Variants in CCSER1 observed in about 807,000 individuals in gnomAD.
CCSER1 encodes coiled-coil serine rich protein 1.
In CCSER1, 41 loss-of-function variants were observed where a neutral mutation model predicts 82.0. The observed-to-expected ratio is 0.50, with a 90% CI of 0.39 to 0.65. The LOEUF is 0.65. CCSER1 is among the 30% of genes least tolerant of loss of function. The probability of loss-of-function intolerance (pLI) is 0.00; values close to 1 mark genes in which losing one functional copy is unlikely to be tolerated. For missense variants in CCSER1, 1,119 were observed against 1,064.2 expected (o/e 1.05, Z -0.72); for synonymous variants, 414 against 383.9 (o/e 1.08, Z -0.92).
At chr4:91,392,527 T>C (rs1751726675) in intron 10 of CCSER1, among the ~76,000 whole-genome samples, 1 of 152,118 alleles carries the variant, frequency 6.6e-6, no homozygotes, top group Admixed American at 6.6e-5. Context: ...AGATGAAATT[T>C]CTAGGGATAA....
chr4:91,289,279 T>C (rs1482637440), intron 10 of CCSER1, among the ~76,000 whole-genome samples: 4 of 152,024 alleles, frequency 2.6e-5, no homozygotes, highest in African/African-American at 9.7e-5. Context: ...AAGTCTATAA[T>C]GTCCTACATA....
At chr4:90,407,485 C>T (rs1451213652) in intron 4 of CCSER1, among the ~76,000 whole-genome samples, 2 of 152,148 alleles carry the variant, frequency 1.3e-5, no homozygotes, top group South Asian at 2.1e-4. Flanking sequence ...AAGAGGGAAT[C>T]CTCCTTAAAT....
intron 1 of CCSER1, among the ~76,000 whole-genome samples, chr4:90,148,368 A>C (rs1305897500): frequency 6.6e-6 from 1 of 152,170 alleles, no homozygotes; most frequent in African/African-American, 2.4e-5. Context: ...GCCCAGTATT[A>C]GTCTCTTGAA....
chr4:90,932,982 GAGAAAGAAAGAAAGAAAGAAAGAA>G lies in CCSER1; in HGVS notation c.2172+9575_2172+9598del, dbSNP rs765197842. 1.2e-3 allele frequency among the ~76,000 whole-genome samples: 22 copies of G among 18,868 alleles called. 1 individual carries two copies. The highest frequency in any genetic ancestry group is 1.6e-3 in the South Asian group (1 of 640). 12.4% of individuals were successfully genotyped at this position (18,868 alleles called of 152,430 possible). A position where few individuals can be genotyped will look rare whatever the true frequency, so the allele number is the denominator to read the frequency against. ...AGAAAGAAAGAAAGAAAGAAAGAAAGAGAAAGAAAGAAAGAAAGAAAGAAAGAAAGAAAGAAAGAAAGAAAGAAA... is the reference window on the plus strand; with the variant it reads ...AGAAAGAAAGAAAGAAAGAAAGAAAGAGAAAGAAAGAAAGAAAGAAAGAAA... On this transcript the variant is annotated intron_variant, in intron 9 of 10. Transcript: ENST00000509176.
chr4:91,038,191 T>G (rs935805028), intron 9 of CCSER1, among the ~76,000 whole-genome samples: 7 of 152,192 alleles, frequency 4.6e-5, no homozygotes, highest in African/African-American at 1.7e-4. Flanking sequence ...CAGTAAGTAC[T>G]GACTGTCCTT....
At position 90,481,928 on chromosome 4, in the gene CCSER1, A is replaced by T. The variant is rs866490137; in HGVS notation, c.1724+13574A>T. 1.4e-4 allele frequency among the ~76,000 whole-genome samples: 22 copies of T among 152,306 alleles called. 1 individual carries two copies. The highest frequency in any genetic ancestry group is 6.8e-3 in the Middle Eastern group (2 of 294). ...ATTCCCTCTTTTTCTATTGATTGGAATAGTTTCAGAAGGAATGGTACCAGC... is the reference window on the plus strand; with the variant it reads ...ATTCCCTCTTTTTCTATTGATTGGATTAGTTTCAGAAGGAATGGTACCAGC... On this transcript the variant is annotated intron_variant, in intron 5 of 10. Coordinates refer to ENST00000509176, the MANE Select transcript of CCSER1 (RefSeq NM_001145065.2).
At chr4:90,650,615 C>A (rs1456216078) in intron 6 of CCSER1, among the ~76,000 whole-genome samples, 1 of 152,124 alleles carries the variant, frequency 6.6e-6, no homozygotes, top group Non-Finnish European at 1.5e-5. Flanking sequence ...AATATGTTAC[C>A]CCACTTTACA....
chr4:90,837,547 G>A (rs563967725), intron 8 of CCSER1, among the ~76,000 whole-genome samples: 7 of 152,100 alleles, frequency 4.6e-5, no homozygotes, highest in Admixed American at 4.6e-4. Flanking sequence ...AAATGTTTTT[G>A]AAGTACTTAG....
chr4:91,150,204 A>G (rs1730016674), intron 10 of CCSER1, among the ~76,000 whole-genome samples: 1 of 152,140 alleles, frequency 6.6e-6, no homozygotes, highest in African/African-American at 2.4e-5. Flanking sequence ...CATCCCTTGT[A>G]AGTTGGATTC....
rs547578026 is a variant in CCSER1, at chr4:90,757,961, G to A, written c.2010+33970G>A. Among the ~76,000 whole-genome samples, 20 of 139,470 alleles carry A rather than the reference G, an allele frequency of 1.4e-4. No individual in the cohort carries two copies. The East Asian group carries it at 4.0e-3, about 28-fold the overall frequency. The allele number at this position is 139,470 out of a possible 152,430, so 91.5% of individuals were successfully genotyped here. On this transcript the variant is annotated intron_variant, in intron 7 of 10. Transcript: ENST00000509176. Reference sequence around the variant, plus strand: ...TTTTTTTTTTTTTTTCTTTTGAGATGGAGTTTCACTCTTGTTGCCCAGGCT... The same window carrying A: ...TTTTTTTTTTTTTTTCTTTTGAGATAGAGTTTCACTCTTGTTGCCCAGGCT...
chr4:91,383,458 A>G (rs1161784411), intron 10 of CCSER1, among the ~76,000 whole-genome samples: 1 of 152,112 alleles, frequency 6.6e-6, no homozygotes, highest in Non-Finnish European at 1.5e-5. Flanking sequence ...ACTCCTTTAA[A>G]GCCTCAACTT....
At chr4:90,587,853 A>C (rs536155427) in intron 5 of CCSER1, among the ~76,000 whole-genome samples, 109 of 152,330 alleles carry the variant, frequency 7.2e-4, no homozygotes, top group African/African-American at 2.4e-3. Context: ...AATCAATTTC[A>C]GGCATATGTT....
chr4:90,466,747 T>A (rs560302603), intron 4 of CCSER1, among the ~76,000 whole-genome samples: 1 of 152,354 alleles, frequency 6.6e-6, no homozygotes, highest in East Asian at 1.9e-4. Context: ...AAACTCTTTC[T>A]CTATTGTTGG....
chr4:91,454,662 T>C (rs1756056012), intron 10 of CCSER1, among the ~76,000 whole-genome samples: 1 of 152,118 alleles, frequency 6.6e-6, no homozygotes, highest in South Asian at 2.1e-4. Flanking sequence ...CAGGATCTTA[T>C]TTAATTTTTT....
intron 10 of CCSER1, among the ~76,000 whole-genome samples, chr4:91,178,545 C>T (rs192301935): frequency 3.9e-5 from 6 of 152,196 alleles, no homozygotes; most frequent in Admixed American, 6.5e-5. Flanking sequence ...TTGAATTGAT[C>T]CCTTTACCAT....
At chr4:91,433,622 C>T (rs1470563315) in intron 10 of CCSER1, among the ~76,000 whole-genome samples, 2 of 152,146 alleles carry the variant, frequency 1.3e-5, no homozygotes, top group Non-Finnish European at 2.9e-5. Flanking sequence ...AAATTGCCTG[C>T]AGTATTCAGT....
At chr4:90,605,284 A>G (rs150282007) in intron 5 of CCSER1, among the ~76,000 whole-genome samples, 4 of 152,274 alleles carry the variant, frequency 2.6e-5, no homozygotes, top group African/African-American at 9.6e-5. Flanking sequence ...CCAAGAAACC[A>G]CCAATTGTGG....
chr4:90,906,866 C>T (rs185597832), intron 8 of CCSER1, among the ~76,000 whole-genome samples: 1 of 151,966 alleles, frequency 6.6e-6, no homozygotes, highest in Non-Finnish European at 1.5e-5. Flanking sequence ...TTTAACTCTC[C>T]TAAATCTTCG....
chr4:91,031,947 T>C (rs1741018989), intron 9 of CCSER1, among the ~76,000 whole-genome samples: 1 of 152,118 alleles, frequency 6.6e-6, no homozygotes, highest in African/African-American at 2.4e-5. Context: ...TTTTTAATCT[T>C]GATTAATGTT....
Sources: allele counts gnomAD v4.1 joint callset (sites outside exome capture counted in the v4.1 genomes callset), GRCh38; gene constraint gnomAD v4.1.1; transcripts MANE v1.5; gene names NCBI Gene and HGNC (gene_info 2026-07-23, HGNC 2026-07-21).